POLE2: variants seen among roughly 807,000 people sequenced by gnomAD.
POLE2 encodes the protein DNA polymerase epsilon 2, accessory subunit.
POLE2 carries 56 observed loss-of-function variants against 79.4 expected under a neutral mutation model. The observed-to-expected ratio is 0.71, with a 90% CI of 0.57 to 0.88. The LOEUF (loss-of-function observed/expected upper bound fraction) is 0.88, where lower values mean the gene tolerates loss of function less well. Ranked by LOEUF, POLE2 falls within the 40% of genes least tolerant of loss-of-function variation. POLE2 has a pLI of 0.00. For synonymous variants in POLE2, 212 were observed against 214.0 expected (o/e 0.99, Z 0.08); for missense variants, 598 against 638.9 (o/e 0.94, Z 0.69).
Position 49,674,382 on chromosome 14 carries a change from A to C in POLE2, c.291T>G (p.Phe97Leu). The C allele has an allele frequency of 6.2e-7, 1 of 1,611,182 alleles. No homozygotes were observed. Residue 97 changes from phenylalanine (F) to leucine (L), a missense_variant, in exon 4 of 19, where the codon TTT becomes TTG. Transcript: ENST00000216367. Reference sequence around the variant, plus strand: ...ATTTTTTTCTTTCTGAATTGTACACAAAGCGTGGAATATCAAATGCTCCTA... The same window carrying C: ...ATTTTTTTCTTTCTGAATTGTACACCAAGCGTGGAATATCAAATGCTCCTA... ...NIIGAFDIPR[F>L]VYNSERKKFL... is the part of the protein sequence containing the mutation.
chr14:49,644,731 T>G (rs28727279), intron 18 of POLE2, among the ~76,000 whole-genome samples: 6,064 of 152,104 alleles, frequency 0.04, 397 homozygotes, highest in African/African-American at 0.14. Flanking sequence ...TTTTTAAAAT[T>G]TCTTGGTATA....
At chr14:49,671,509 C>T (rs1350533685) in intron 5 of POLE2, among the ~76,000 whole-genome samples, 6 of 149,710 alleles carry the variant, frequency 4.0e-5, no homozygotes, top group Non-Finnish European at 5.9e-5. Flanking sequence ...CCCAGCTACT[C>T]GGGAGGCTGA....
intron 1 of POLE2, among the ~76,000 whole-genome samples, chr14:49,686,117 C>A (rs544936615): frequency 6.6e-6 from 1 of 152,014 alleles, no homozygotes; most frequent in Non-Finnish European, 1.5e-5. Flanking sequence ...CTAAGATGGC[C>A]CCTAATAATC....
chr14:49,655,453 C>G (rs1308490528), intron 11 of POLE2, among the ~76,000 whole-genome samples: 1 of 127,368 alleles, frequency 7.9e-6, no homozygotes, highest in African/African-American at 3.9e-5. Flanking sequence ...CTTATCATGA[C>G]TATAAACACA....
At chr14:49,659,279 TAGC>T (rs1330722110) in intron 10 of POLE2, among the ~76,000 whole-genome samples, 1 of 151,878 alleles carries the variant, frequency 6.6e-6, no homozygotes, top group African/African-American at 2.4e-5. Context: ...TTTTTTTAAT[TAGC>T]AGTCTTAGCT....
In POLE2 at chr14:49,688,173, G is replaced by A. The variant is rs1887306214; in HGVS notation, c.31C>T (p.Leu11Phe). The change falls in exon 1 of 19, where the codon CTC becomes TTC. Residue 11 changes from leucine (L) to phenylalanine (F), a missense_variant. Leu to Phe is a conservative substitution (Grantham distance 22). Transcript: ENST00000216367. ...AAGCCCCGCAACTTGAAGGCGGAGAGCGCCCGGCTCCGCAGCCGCTCCGGC... is the reference window on the plus strand; with the variant it reads ...AAGCCCCGCAACTTGAAGGCGGAGAACGCCCGGCTCCGCAGCCGCTCCGGC... The part of the protein sequence containing the change: MAPERLRSRA[L>F]SAFKLRGLLL... 1.9e-6 allele frequency: 3 copies of A among 1,548,470 alleles called. No homozygotes were observed. The highest frequency in any genetic ancestry group is 1.4e-5 in the African/African-American group (1 of 71,116).
chr14:49,682,843 T>G (rs915364828), intron 2 of POLE2, among the ~76,000 whole-genome samples: 1 of 151,676 alleles, frequency 6.6e-6, no homozygotes, highest in East Asian at 1.9e-4. Context: ...AAAAAATCCC[T>G]GAAGAAATCA....
At chr14:49,684,376 A>C (rs1258847990) in intron 1 of POLE2, among the ~76,000 whole-genome samples, 5 of 151,884 alleles carry the variant, frequency 3.3e-5, no homozygotes, top group African/African-American at 1.2e-4. Context: ...GAGGCAGGAG[A>C]ATGGCGTGAA....
chr14:49,674,204 G>C lies in POLE2; in HGVS notation c.336C>G (p.Thr112=), dbSNP rs1219512421. 6.2e-7 allele frequency: 1 copy of C among 1,609,548 alleles called. No homozygotes were observed. The highest frequency in any genetic ancestry group is 1.1e-5 in the South Asian group (1 of 90,968). ...ERKKFLPLLM[T]NHPAPNLFGT... ...CAAATAAATTTGGTGCAGGGTGGTT[G>C]GTCATTAACAGACTAGAAAAAGAGA... is the stretch of plus-strand genomic sequence containing the variant. Residue 112 remains threonine (T), a synonymous_variant, in exon 5 of 19, where the codon ACC becomes ACG. Transcript: ENST00000216367.
intron 7 of POLE2, among the ~76,000 whole-genome samples, chr14:49,665,867 C>T (rs1408522935): frequency 6.6e-6 from 1 of 152,044 alleles, no homozygotes; most frequent in Non-Finnish European, 1.5e-5. Flanking sequence ...GCTCTTGTTG[C>T]CCAGGCTACA....
At chr14:49,665,266 G>C in intron 7 of POLE2, 103 bp from the exon 8 acceptor site, 1 of 637,114 alleles carries the variant, frequency 1.6e-6, no homozygotes, top group Non-Finnish European at 2.8e-6. Context: ...TAGGGAGAAA[G>C]TGGATTTTAA....
At chr14:49,662,243 C>T (rs1424844965) in intron 10 of POLE2, among the ~76,000 whole-genome samples, 1 of 152,210 alleles carries the variant, frequency 6.6e-6, no homozygotes, top group African/African-American at 2.4e-5. Context: ...AGTAAACTCC[C>T]AGCCAGGAAA....
chr14:49,686,187 G>C (rs1357242588), intron 1 of POLE2, among the ~76,000 whole-genome samples: 1 of 152,118 alleles, frequency 6.6e-6, no homozygotes, highest in Non-Finnish European at 1.5e-5. Context: ...GCTGGACCTA[G>C]TAACTTGTTT....
At chr14:49,647,399 C>T in intron 17 of POLE2, 39 bp from the exon 18 acceptor site, 1 of 873,046 alleles carries the variant, frequency 1.1e-6, no homozygotes, top group South Asian at 2.2e-5. Flanking sequence ...AATGCTCAGA[C>T]TTTTTTTTAA....
At position 49,670,317 on chromosome 14, in the gene POLE2, CAAAAAAAAAAAAAAAAA is replaced by C. The variant is rs61383006; in HGVS notation, c.418-736_418-720del. Among the ~76,000 whole-genome samples, 20 of 59,106 alleles carry C rather than the reference CAAAAAAAAAAAAAAAAA, an allele frequency of 3.4e-4. No individual in the cohort carries two copies. In the East Asian group the frequency reaches 5.2e-3, roughly 15 times the overall value. 38.8% of individuals were successfully genotyped at this position (59,106 alleles called of 152,430 possible). A position where few individuals can be genotyped will look rare whatever the true frequency, so the allele number is the denominator to read the frequency against. On this transcript the variant is annotated intron_variant, in intron 5 of 18. Transcript: ENST00000216367. The stretch of plus-strand genomic sequence containing the variant: ...GGCAACAAGAGCGAAACTGTGTCTC[CAAAAAAAAAAAAAAAAA>C]AAAAAAAAAAGACATTTCAGGCAGA...
At chr14:49,643,853 C>T (rs1187465254) in intron 18 of POLE2, among the ~76,000 whole-genome samples, 183 bp from the exon 19 acceptor site, 2 of 148,520 alleles carry the variant, frequency 1.3e-5, no homozygotes, top group African/African-American at 4.9e-5. Flanking sequence ...CCCTTTTCTG[C>T]TCCCAAAAAG....
chr14:49,672,539 G>A (rs1215023023), intron 5 of POLE2, among the ~76,000 whole-genome samples: 3 of 142,270 alleles, frequency 2.1e-5, no homozygotes, highest in East Asian at 2.1e-4. Context: ...CGCTCTTGTT[G>A]CCCAGGCTGG....
At chr14:49,647,053 A>C (rs1883828997) in intron 18 of POLE2, 1 of 328,748 alleles carries the variant, frequency 3.0e-6, no homozygotes, top group Non-Finnish European at 5.5e-6. Context: ...GCTCACCTCC[A>C]CAGCTGGCCT....
At chr14:49,651,027 C>T (rs903414456) in intron 16 of POLE2, among the ~76,000 whole-genome samples, 1 of 151,994 alleles carries the variant, frequency 6.6e-6, no homozygotes, top group Admixed American at 6.6e-5. Context: ...AAACACGAAG[C>T]TTGAAAGAAA....
Sources: gnomAD v4.1 joint callset for allele counts (sites outside exome capture counted in the v4.1 genomes callset) on GRCh38, gnomAD v4.1.1 for gene constraint, MANE v1.5 for transcripts, NCBI Gene and HGNC (gene_info 2026-07-23, HGNC 2026-07-21) for gene names.